Variants in EPC2 observed in about 807,000 individuals in gnomAD.
EPC2 encodes the protein enhancer of polycomb 2.
Under a neutral mutation model 92.1 loss-of-function variants are expected in EPC2, and 14 were observed. The observed-to-expected ratio is 0.15, with a 90% confidence interval of 0.10 to 0.24. EPC2 has a LOEUF of 0.24. Ranked by LOEUF, EPC2 falls within the 10% of genes least tolerant of loss-of-function variation. The pLI is 1.00. For synonymous variants in EPC2, 340 were observed against 334.7 expected (o/e 1.02, Z -0.17); for missense variants, 755 against 971.5 (o/e 0.78, Z 2.96).
intron 2 of EPC2, among the ~76,000 whole-genome samples, chr2:148,723,414 G>T (rs1574605361): frequency 6.6e-6 from 1 of 152,248 alleles, no homozygotes; most frequent in East Asian, 1.9e-4. Context: ...CTCAGAATTG[G>T]CCATACTGAG....
chr2:148,708,676 A>G (rs1682063302), intron 2 of EPC2, among the ~76,000 whole-genome samples: 2 of 152,238 alleles, frequency 1.3e-5, no homozygotes, highest in South Asian at 4.1e-4. Flanking sequence ...CCTGGGATGC[A>G]AGGCTGGTTC....
intron 8 of EPC2, among the ~76,000 whole-genome samples, chr2:148,770,400 T>A (rs954247272): frequency 6.6e-6 from 1 of 152,058 alleles, no homozygotes; most frequent in African/African-American, 2.4e-5. Flanking sequence ...GTGTTTGAAG[T>A]GCAATTTTTA....
intron 10 of EPC2, among the ~76,000 whole-genome samples, chr2:148,776,077 G>A (rs371336376): frequency 5.3e-5 from 8 of 152,008 alleles, no homozygotes; most frequent in African/African-American, 1.4e-4. Context: ...CACCGCGCCC[G>A]GCCAATATGA....
chr2:148,653,714 T>C (rs1311802744), intron 1 of EPC2, among the ~76,000 whole-genome samples: 2 of 152,048 alleles, frequency 1.3e-5, no homozygotes, highest in Non-Finnish European at 2.9e-5. Context: ...CTTTTTTTTT[T>C]TTAAATGGGC....
intron 2 of EPC2, among the ~76,000 whole-genome samples, chr2:148,728,663 A>G (rs1274127803): frequency 6.8e-6 from 1 of 146,296 alleles, no homozygotes; most frequent in Non-Finnish European, 1.5e-5. Context: ...CTAAGAGGTC[A>G]AGGTTACAGT....
intron 2 of EPC2, among the ~76,000 whole-genome samples, chr2:148,733,889 G>T (rs1682697966): frequency 6.6e-6 from 1 of 152,060 alleles, no homozygotes; most frequent in Non-Finnish European, 1.5e-5. Flanking sequence ...CAAGCTGCAG[G>T]CCAGACTTGT....
chr2:148,721,932 A>G lies in EPC2; in HGVS notation c.314-21690A>G, dbSNP rs761775761. Among the ~76,000 whole-genome samples the G allele has an allele frequency of 1.6e-3, 61 of 37,774 alleles. 1 individual carries two copies. Among genetic ancestry groups the G allele is most frequent in the East Asian group, 4.8e-3 (5 of 1,034 alleles). 24.8% of individuals were successfully genotyped at this position (37,774 alleles called of 152,430 possible). On this transcript the variant is annotated intron_variant, in intron 2 of 13. Transcript: ENST00000258484. The stretch of plus-strand genomic sequence containing the variant: ...TCAGAATTCTCATCTCTCTTCTTAT[A>G]TTATTCATCTGTTTTTGCATGTTGT...
intron 10 of EPC2, among the ~76,000 whole-genome samples, chr2:148,771,625 G>A (rs914442448): frequency 2.6e-5 from 4 of 152,036 alleles, no homozygotes; most frequent in African/African-American, 9.7e-5. Flanking sequence ...AGTTCCCTGT[G>A]GCCACACTGC....
chr2:148,660,953 TTTA>T (rs951816831), intron 1 of EPC2, among the ~76,000 whole-genome samples: 1 of 152,090 alleles, frequency 6.6e-6, no homozygotes, highest in Non-Finnish European at 1.5e-5. Context: ...TTATTAATTG[TTTA>T]TTATCTTATC....
intron 6 of EPC2, 98 bp from the exon 7 acceptor site, chr2:148,764,857 G>A (rs2105425698): frequency 1.1e-6 from 1 of 931,150 alleles, no homozygotes; most frequent in Non-Finnish European, 1.4e-6. Context: ...CACCTCCTGG[G>A]TAAAAATGTA....
chr2:148,695,762 TA>T (rs200611129), intron 2 of EPC2, among the ~76,000 whole-genome samples: 9 of 152,050 alleles, frequency 5.9e-5, no homozygotes, highest in Non-Finnish European at 1.0e-4. Context: ...CATTTTCTTG[TA>T]AAAAAAATAC....
intron 1 of EPC2, among the ~76,000 whole-genome samples, chr2:148,661,320 T>G (rs1680928744): frequency 6.6e-6 from 1 of 152,160 alleles, no homozygotes; most frequent in Admixed American, 6.5e-5. Flanking sequence ...TGGAATCTTC[T>G]CTCTCATTAT....
intron 13 of EPC2, among the ~76,000 whole-genome samples, chr2:148,785,536 C>G (rs540278060): frequency 6.6e-6 from 1 of 152,072 alleles, no homozygotes; most frequent in Non-Finnish European, 1.5e-5. Context: ...CCATGTTGGC[C>G]GGGATAGTCT....
At chr2:148,666,633 T>A (rs1458464977) in intron 1 of EPC2, among the ~76,000 whole-genome samples, 2 of 152,228 alleles carry the variant, frequency 1.3e-5, no homozygotes, top group African/African-American at 4.8e-5. Context: ...ATTTTGTGCT[T>A]CTAGAGAATT....
rs577041979 is a variant in EPC2 at position 148,673,647 on chromosome 2, G to A, written c.154-16567G>A. Among the ~76,000 whole-genome samples, 13 of 152,188 alleles carry A rather than the reference G, an allele frequency of 8.5e-5. No homozygotes were observed. In the South Asian group the frequency reaches 1.9e-3, roughly 22 times the overall value. ...CACCCAGGCTGGAGTGCAGTGGTGC[G>A]ATCTCGGCTCACTGCAGCCTCTGCC... On this transcript the variant is annotated intron_variant, in intron 1 of 13. Coordinates refer to ENST00000258484, the MANE Select transcript of EPC2 (RefSeq NM_015630.4).
At chr2:148,744,571 T>A (rs1225928125) in intron 3 of EPC2, among the ~76,000 whole-genome samples, 1 of 152,142 alleles carries the variant, frequency 6.6e-6, no homozygotes, top group Admixed American at 6.5e-5. Flanking sequence ...TTTATATTTA[T>A]ACATGTGCAT....
chr2:148,679,208 C>A (rs1012199448), intron 1 of EPC2, among the ~76,000 whole-genome samples: 1 of 152,180 alleles, frequency 6.6e-6, no homozygotes, highest in Non-Finnish European at 1.5e-5. Context: ...TTACCCATAT[C>A]TGTAGATCAT....
At chr2:148,734,535 G>A (rs936946636) in intron 2 of EPC2, among the ~76,000 whole-genome samples, 1 of 152,096 alleles carries the variant, frequency 6.6e-6, no homozygotes, top group Non-Finnish European at 1.5e-5. Flanking sequence ...GGCTAAATTA[G>A]AGGATAGTCT....
intron 5 of EPC2, chr2:148,762,161 A>G (rs1683312871): frequency 3.8e-6 from 1 of 262,958 alleles, no homozygotes; most frequent in Non-Finnish European, 7.1e-6. Context: ...CCTATACTTA[A>G]TTTTGTTTTG....
Sources: allele counts gnomAD v4.1 joint callset (sites outside exome capture counted in the v4.1 genomes callset), GRCh38; gene constraint gnomAD v4.1.1; transcripts MANE v1.5; gene names NCBI Gene and HGNC (gene_info 2026-07-23, HGNC 2026-07-21).